LUZP2: variants seen among roughly 807,000 people sequenced by gnomAD.
The protein encoded by LUZP2 is leucine zipper protein 2.
A neutral mutation model predicts 51.6 loss-of-function variants in LUZP2; 52 were observed. That is an observed-to-expected ratio of 1.01 (90% CI 0.81 to 1.27). LUZP2 has a LOEUF of 1.27. Ranked by LOEUF, LUZP2 falls within the 50% of genes most tolerant of loss-of-function variation. The pLI, the probability that LUZP2 is intolerant of heterozygous loss-of-function variation, is 0.00. For synonymous variants in LUZP2, 154 were observed against 137.3 expected, an observed-to-expected ratio of 1.12 and a Z score of -0.85; for missense variants, 436 against 395.4, an observed-to-expected ratio of 1.10 and a Z score of -0.87.
At chr11:24,944,682 G>C (rs1256665441) in intron 7 of LUZP2, among the ~76,000 whole-genome samples, 1 of 152,142 alleles carries the variant, frequency 6.6e-6, no homozygotes, top group Non-Finnish European at 1.5e-5. Context: ...ATTGGGGAAG[G>C]TTCTTCGGGA....
intron 5 of LUZP2, among the ~76,000 whole-genome samples, chr11:24,881,263 G>A (rs1852458183): frequency 6.6e-6 from 1 of 151,142 alleles, no homozygotes; most frequent in African/African-American, 2.4e-5. Flanking sequence ...AGGAAAGTAA[G>A]AGTCATGCTT....
intron 1 of LUZP2, among the ~76,000 whole-genome samples, chr11:24,669,402 C>G (rs953885700): frequency 6.6e-6 from 1 of 152,054 alleles, no homozygotes; most frequent in African/African-American, 2.4e-5. Flanking sequence ...TCTGGGCCTG[C>G]CGAATGCTTT....
In LUZP2 at chr11:24,670,566, A is replaced by T. The variant is rs1856372060; in HGVS notation, c.63-58603A>T. ...TTGCTGCCTTAGAGTTCTTTCTAATAGGCTGTTTTTTTGAAAACACACAGA... is the reference window on the plus strand; with the variant it reads ...TTGCTGCCTTAGAGTTCTTTCTAATTGGCTGTTTTTTTGAAAACACACAGA... On this transcript the variant is annotated intron_variant, in intron 1 of 11. Transcript: ENST00000336930. Among the ~76,000 whole-genome samples the T allele has an allele frequency of 1.3e-5, 2 of 152,006 alleles. 1 individual carries two copies. The highest frequency in any genetic ancestry group is 4.8e-5 in the African/African-American group (2 of 41,448).
chr11:25,007,971 A>G lies in LUZP2; in HGVS notation c.765+24678A>G, dbSNP rs192119118. Among the ~76,000 whole-genome samples the G allele has an allele frequency of 2.9e-3, 442 of 152,324 alleles. 3 individuals carry two copies. Among genetic ancestry groups the G allele is most frequent in the African/African-American group, 0.01 (416 of 41,586 alleles). ...AACAGTTCCTTTTGAATATCCATTG[A>G]TGCTGTATAATTAACAAAGGTCTTC... On this transcript the variant is annotated intron_variant, in intron 9 of 11. Transcript: ENST00000336930.
intron 1 of LUZP2, among the ~76,000 whole-genome samples, chr11:24,505,325 C>T (rs552393806): frequency 2.0e-5 from 3 of 152,120 alleles, no homozygotes; most frequent in South Asian, 2.1e-4. Flanking sequence ...AGGTGTTTGT[C>T]GTGTTGCATG....
intron 5 of LUZP2, among the ~76,000 whole-genome samples, chr11:24,775,917 T>C (rs761957076): frequency 7.9e-5 from 12 of 152,210 alleles, no homozygotes; most frequent in Non-Finnish European, 1.6e-4. Context: ...ATTTAGTACA[T>C]ATTAAGCTGT....
chr11:25,077,284 C>T (rs1859338754), intron 10 of LUZP2, 45 bp from the exon 11 acceptor site: 1 of 1,418,820 alleles, frequency 7.0e-7, no homozygotes, highest in East Asian at 2.3e-5. Context: ...CCTCCACTTT[C>T]TTTCTTTAAC....
intron 10 of LUZP2, among the ~76,000 whole-genome samples, chr11:25,074,240 A>G (rs566538314): frequency 5.3e-5 from 8 of 152,176 alleles, no homozygotes; most frequent in African/African-American, 1.9e-4. Flanking sequence ...AGCAAAGGCT[A>G]TAAGTTTAGT....
chr11:24,890,112 C>T lies in LUZP2; in HGVS notation c.397-15879C>T, dbSNP rs188836801. On this transcript the variant is annotated intron_variant, in intron 5 of 11. Transcript: ENST00000336930. ...GATGGAGATTAGATTACATGATATA[C>T]GAATTTCCCTCTAAGAAGTGTATAA... Among the ~76,000 whole-genome samples the T allele has an allele frequency of 8.5e-5, 13 of 152,116 alleles. No homozygotes were observed. The East Asian group carries it at 1.2e-3, about 14-fold the overall frequency.
chr11:24,750,603 T>A (rs1450737025), intron 4 of LUZP2, among the ~76,000 whole-genome samples: 1 of 152,164 alleles, frequency 6.6e-6, no homozygotes, highest in African/African-American at 2.4e-5. Flanking sequence ...TTAAATAGGC[T>A]CACTTTGGAG....
chr11:24,826,521 T>A, intron 5 of LUZP2, among the ~76,000 whole-genome samples: 1 of 151,794 alleles, frequency 6.6e-6, no homozygotes, highest in Non-Finnish European at 1.5e-5. Flanking sequence ...TAAACTTTTT[T>A]TTTTTTTTTT....
In LUZP2 at chr11:24,611,380, T is replaced by G. The variant is rs2133887486; in HGVS notation, c.62+114075T>G. On this transcript the variant is annotated intron_variant, in intron 1 of 11. Coordinates refer to ENST00000336930, the MANE Select transcript of LUZP2 (RefSeq NM_001009909.4). The surrounding 1 kb of genome is among the most constrained non-coding windows in gnomAD (Gnocchi z 4.6). ...AAAATTAACTGAGATAAGTACCATT[T>G]ACCCCATTATATATACATACATACA... Among the ~76,000 whole-genome samples the G allele has an allele frequency of 6.6e-6, 1 of 152,314 alleles. No homozygotes were observed. Among genetic ancestry groups the G allele is most frequent in the Admixed American group, 6.5e-5 (1 of 15,294 alleles).
chr11:24,837,447 AAAAAGATTCAG>A (rs1850894412), intron 5 of LUZP2, among the ~76,000 whole-genome samples: 1 of 151,710 alleles, frequency 6.6e-6, no homozygotes, highest in Non-Finnish European at 1.5e-5. Context: ...ATCTTTAACT[AAAAAGATTCAG>A]AATAAGGATA....
intron 1 of LUZP2, among the ~76,000 whole-genome samples, chr11:24,683,832 C>T (rs1273235309): frequency 6.6e-6 from 1 of 152,116 alleles, no homozygotes; most frequent in East Asian, 1.9e-4. Flanking sequence ...AATCTCAGTT[C>T]ATGCTGTTTG....
chr11:24,861,645 G>A (rs11028234), intron 5 of LUZP2, among the ~76,000 whole-genome samples: 23,663 of 151,802 alleles, frequency 0.16, 1,988 homozygotes, highest in African/African-American at 0.21. Flanking sequence ...GGGACTGCCC[G>A]CCACTAGTGG....
rs747689847 is a variant in LUZP2, at chr11:24,976,685, C to T, written c.597+20C>T. 1 of 1,023,944 alleles carries T rather than the reference C, an allele frequency of 9.8e-7. No homozygotes were observed. The allele number at this position is 1,023,944 out of a possible 1,614,324, so 63.4% of individuals were successfully genotyped here. A position where few individuals can be genotyped will look rare whatever the true frequency, so the allele number is the denominator to read the frequency against. On this transcript the variant is annotated intron_variant, in intron 8 of 11. Transcript: ENST00000336930. ...GACAGGGTAAGTCTACATTCATGAA[C>T]CATTACAACTGTAGTTTTAGCAAAA...
intron 10 of LUZP2, among the ~76,000 whole-genome samples, chr11:25,076,777 A>G (rs1859319880): frequency 6.9e-6 from 1 of 145,300 alleles, no homozygotes; most frequent in Non-Finnish European, 1.5e-5. Flanking sequence ...CATTGCTAAC[A>G]CTTCATCTTC....
chr11:24,764,200 C>T (rs901435230), intron 5 of LUZP2, among the ~76,000 whole-genome samples: 1 of 152,144 alleles, frequency 6.6e-6, no homozygotes, highest in Admixed American at 6.6e-5. Flanking sequence ...CACATGCACA[C>T]GTGCGTGGGC....
chr11:24,522,300 C>T (rs75805967), intron 1 of LUZP2, among the ~76,000 whole-genome samples: 132 of 152,082 alleles, frequency 8.7e-4, no homozygotes, highest in African/African-American at 3.0e-3. Flanking sequence ...CTAAAAACCA[C>T]CTCTTTTTTA....
Sources: allele counts gnomAD v4.1 joint callset (sites outside exome capture counted in the v4.1 genomes callset), GRCh38; gene constraint gnomAD v4.1.1; non-coding constraint Gnocchi (gnomAD v3.1); transcripts MANE v1.5; gene names NCBI Gene and HGNC (gene_info 2026-07-23, HGNC 2026-07-21).